BMPR1B: variants seen among roughly 807,000 people sequenced by gnomAD.
BMPR1B encodes bone morphogenetic protein receptor type-1B.
A neutral mutation model predicts 59.1 loss-of-function variants in BMPR1B; 12 were observed. That is an observed-to-expected ratio of 0.20 (90% CI 0.13 to 0.33). The LOEUF is 0.33. Among genes scored for constraint, BMPR1B ranks in the 10% least tolerant of loss-of-function variants. The pLI, the probability that BMPR1B is intolerant of heterozygous loss-of-function variation, is 1.00. For missense variants in BMPR1B, 550 were observed against 610.9 expected (o/e 0.90, Z 1.05); for synonymous variants, 237 against 207.3 (o/e 1.14, Z -1.23).
intron 2 of BMPR1B, among the ~76,000 whole-genome samples, chr4:94,989,593 G>A (rs1054682381): frequency 6.6e-6 from 1 of 152,070 alleles, no homozygotes; most frequent in Admixed American, 6.6e-5. Flanking sequence ...CAGAGAATTA[G>A]CACATTTTCT....
chr4:95,136,819 T>C (rs1733828609), intron 10 of BMPR1B, among the ~76,000 whole-genome samples: 1 of 152,034 alleles, frequency 6.6e-6, no homozygotes, highest in African/African-American at 2.4e-5. Context: ...TATTAGTCTT[T>C]CTAGCAGTCT....
At chr4:94,813,366 G>C (rs976471509) in intron 1 of BMPR1B, among the ~76,000 whole-genome samples, 1 of 152,166 alleles carries the variant, frequency 6.6e-6, no homozygotes, top group Admixed American at 6.5e-5. Flanking sequence ...TCTGAAGATA[G>C]TGAGGAAACC....
chr4:95,009,655 T>C (rs927562838), intron 3 of BMPR1B, among the ~76,000 whole-genome samples: 9 of 152,292 alleles, frequency 5.9e-5, no homozygotes, highest in African/African-American at 2.2e-4. Flanking sequence ...TGTGGCAGGT[T>C]CGAACACCAG....
At chr4:95,087,635 G>A (rs111817771) in intron 3 of BMPR1B, among the ~76,000 whole-genome samples, 1 of 152,282 alleles carries the variant, frequency 6.6e-6, no homozygotes, top group Non-Finnish European at 1.5e-5. Context: ...GGGAAGCTGA[G>A]GTGGGAGGAT....
In BMPR1B at chr4:95,058,170, A is replaced by G. The variant is rs190888863; in HGVS notation, c.-17-46238A>G. Among the ~76,000 whole-genome samples, 61 of 152,300 alleles carry G rather than the reference A, an allele frequency of 4.0e-4. 1 individual carries two copies. Among genetic ancestry groups the G allele is most frequent in the Non-Finnish European group, 8.2e-4 (56 of 68,024 alleles). On this transcript the variant is annotated intron_variant, in intron 3 of 12. Coordinates refer to ENST00000515059, the MANE Select transcript of BMPR1B (RefSeq NM_001203.3). The stretch of plus-strand genomic sequence containing the variant: ...ATAAAGAACATCTCATAAATTTTGC[A>G]TTTATGATTTCTGAACAGGACATGA...
rs143278099 is a variant in BMPR1B at position 95,110,550 on chromosome 4, G to T, written c.144-4170G>T. Among the ~76,000 whole-genome samples the T allele has an allele frequency of 7.3e-3, 1,109 of 152,204 alleles. 14 individuals are homozygous for T. The highest frequency in any genetic ancestry group is 0.027 in the Middle Eastern group (8 of 294). On this transcript the variant is annotated intron_variant, in intron 4 of 12. Transcript: ENST00000515059. Reference sequence around the variant, plus strand: ...TCATATGTATTTCACGCTATATTCCGTCCACTGCTATGGGAATCCATCATC... The same window carrying T: ...TCATATGTATTTCACGCTATATTCCTTCCACTGCTATGGGAATCCATCATC...
At chr4:94,836,208 C>T (rs865958471) in intron 1 of BMPR1B, among the ~76,000 whole-genome samples, 14,651 of 145,584 alleles carry the variant, frequency 0.1, 813 homozygotes, top group Non-Finnish European at 0.11. Flanking sequence ...TGAATAGTGA[C>T]GCAATAAACA....
intron 1 of BMPR1B, among the ~76,000 whole-genome samples, chr4:94,857,489 A>G (rs1003572513): frequency 1.3e-5 from 2 of 152,234 alleles, no homozygotes; most frequent in Non-Finnish European, 2.9e-5. Context: ...GTAATAATTT[A>G]TGGCCTTAAA....
At chr4:94,896,402 T>A (rs1196115556) in intron 2 of BMPR1B, among the ~76,000 whole-genome samples, 1 of 152,012 alleles carries the variant, frequency 6.6e-6, no homozygotes, top group East Asian at 1.9e-4. Flanking sequence ...GATTAATGTT[T>A]TAATACCCTG....
chr4:94,961,377 G>A (rs546416749), intron 2 of BMPR1B, among the ~76,000 whole-genome samples: 30 of 152,152 alleles, frequency 2.0e-4, no homozygotes, highest in Admixed American at 5.2e-4. Flanking sequence ...GGCAAAACCC[G>A]ATTCTTTATA....
chr4:94,822,363 C>G (rs890714881), intron 1 of BMPR1B, among the ~76,000 whole-genome samples: 1 of 152,106 alleles, frequency 6.6e-6, no homozygotes, highest in Non-Finnish European at 1.5e-5. Context: ...GACCATGAGC[C>G]CCTAGAAGGC....
chr4:95,003,564 G>A (rs1160166995), intron 3 of BMPR1B, among the ~76,000 whole-genome samples: 1 of 152,096 alleles, frequency 6.6e-6, no homozygotes, highest in African/African-American at 2.4e-5. Flanking sequence ...TATAATCTGT[G>A]TGATTGAGAA....
At chr4:95,009,178 T>C (rs1723056664) in intron 3 of BMPR1B, among the ~76,000 whole-genome samples, 1 of 152,340 alleles carries the variant, frequency 6.6e-6, no homozygotes, top group Admixed American at 6.5e-5. Context: ...TCTCATTCAC[T>C]GCTAATGGCG....
chr4:94,967,423 T>G (rs1424980575), intron 2 of BMPR1B, among the ~76,000 whole-genome samples: 1 of 152,104 alleles, frequency 6.6e-6, no homozygotes. Flanking sequence ...TCTCTTTTCT[T>G]CTATTATAGA....
chr4:95,030,498 T>C (rs1724754993), intron 3 of BMPR1B, among the ~76,000 whole-genome samples: 1 of 152,094 alleles, frequency 6.6e-6, no homozygotes, highest in African/African-American at 2.4e-5. Flanking sequence ...CTATTCAACA[T>C]AGTGTTGGAA....
chr4:94,952,437 C>G (rs1729981790), intron 2 of BMPR1B, among the ~76,000 whole-genome samples: 1 of 152,146 alleles, frequency 6.6e-6, no homozygotes, highest in East Asian at 1.9e-4. Context: ...TTAGCTGTGT[C>G]CCAGGGATTC....
chr4:94,819,825 T>C (rs1227314195), intron 1 of BMPR1B, among the ~76,000 whole-genome samples: 2 of 152,214 alleles, frequency 1.3e-5, no homozygotes, highest in African/African-American at 2.4e-5. Context: ...TGAACACAGT[T>C]GGTAGTACCT....
chr4:94,987,427 T>G (rs1354591908), intron 2 of BMPR1B, among the ~76,000 whole-genome samples: 2 of 151,946 alleles, frequency 1.3e-5, no homozygotes, highest in Non-Finnish European at 2.9e-5. Context: ...TGCCTAAATT[T>G]AATCTTTCAG....
chr4:94,760,576 C>A (rs1046467267), intron 1 of BMPR1B, among the ~76,000 whole-genome samples: 3 of 152,206 alleles, frequency 2.0e-5, no homozygotes, highest in Non-Finnish European at 2.9e-5. Context: ...GTCACCTACT[C>A]CAACCTAGCA....
Sources: allele counts gnomAD v4.1 joint callset (sites outside exome capture counted in the v4.1 genomes callset), GRCh38; gene constraint gnomAD v4.1.1; transcripts MANE v1.5; gene names NCBI Gene and HGNC (gene_info 2026-07-23, HGNC 2026-07-21).